ORC2: variants seen among roughly 807,000 people sequenced by gnomAD.
ORC2 encodes the protein origin recognition complex subunit 2, also known as origin recognition complex protein 2 homolog.
ORC2 carries 37 observed loss-of-function variants against 77.7 expected under a neutral mutation model. The ratio of observed to expected loss-of-function variants is 0.48; its 90% CI spans 0.37 to 0.63. ORC2 has a LOEUF of 0.63. Ranked by LOEUF, ORC2 falls within the 20% of genes least tolerant of loss-of-function variation. The pLI is 0.00. For missense variants in ORC2, 557 were observed against 661.9 expected, an observed-to-expected ratio of 0.84 and a Z score of 1.74; for synonymous variants, 201 against 229.5, an observed-to-expected ratio of 0.88 and a Z score of 1.12.
intron 10 of ORC2, among the ~76,000 whole-genome samples, chr2:200,933,525 G>T (rs1267457403): frequency 6.6e-6 from 1 of 151,846 alleles, no homozygotes; most frequent in Non-Finnish European, 1.5e-5. Flanking sequence ...GAGTAAGAGG[G>T]GAAAAATGCA....
At chr2:200,930,657 C>T (rs1399926455) in intron 11 of ORC2, among the ~76,000 whole-genome samples, 1 of 152,070 alleles carries the variant, frequency 6.6e-6, no homozygotes, top group Non-Finnish European at 1.5e-5. Flanking sequence ...GACAATGTAA[C>T]TGTGAGTGTG....
intron 8 of ORC2, among the ~76,000 whole-genome samples, chr2:200,937,563 T>C (rs1325477600): frequency 6.6e-6 from 1 of 152,218 alleles, no homozygotes; most frequent in Non-Finnish European, 1.5e-5. Flanking sequence ...TTTAATTTCC[T>C]AGAAGGCAGA....
At chr2:200,936,939 G>A (rs16836015) in intron 8 of ORC2, among the ~76,000 whole-genome samples, 4,443 of 151,162 alleles carry the variant, frequency 0.029, 107 homozygotes, top group Middle Eastern at 0.088. Flanking sequence ...CTGAACAACA[G>A]ATATACTGCA....
At chr2:200,949,790 T>C (rs999930821) in intron 4 of ORC2, 147 bp from the exon 5 acceptor site, 1 of 454,688 alleles carries the variant, frequency 2.2e-6, no homozygotes. Context: ...TGGAAATACA[T>C]AGTAAAGAAA....
chr2:200,957,933 G>T, intron 3 of ORC2, 97 bp downstream of exon 3: 1 of 747,658 alleles, frequency 1.3e-6, no homozygotes, highest in Non-Finnish European at 2.2e-6. Context: ...AATCCTTTGC[G>T]CTATATTTTC....
At chr2:200,934,971 C>T (rs2041009711) in intron 9 of ORC2, among the ~76,000 whole-genome samples, 1 of 152,202 alleles carries the variant, frequency 6.6e-6, no homozygotes, top group Non-Finnish European at 1.5e-5. Flanking sequence ...TCCCTAGCCA[C>T]ATCATTCATT....
rs1276820174 is a variant in ORC2, at chr2:200,913,357, C to G, written c.1585G>C (p.Asp529His). ...QCREAFLVNS[D>H]LTLRAQLTEF... Reference sequence around the variant, plus strand: ...GTTAACTGGGCCCGGAGTGTCAGATCACTATTGACGAGGAATGCCTCCCGA... The same window carrying G: ...GTTAACTGGGCCCGGAGTGTCAGATGACTATTGACGAGGAATGCCTCCCGA... Residue 529 changes from aspartate to histidine, a missense_variant, in exon 17 of 18, where the codon GAT (aspartate) becomes CAT (histidine). Physicochemically the swap from Asp to His is moderately conservative, Grantham distance 81. Coordinates refer to ENST00000234296, the MANE Select transcript of ORC2 (RefSeq NM_006190.5). 3.1e-6 allele frequency: 5 copies of G among 1,601,358 alleles called. No individual in the cohort carries two copies. The African/African-American group carries it at 4.0e-5, about 13-fold the overall frequency.
intron 15 of ORC2, 148 bp downstream of exon 15, chr2:200,920,074 C>T: frequency 2.0e-6 from 1 of 496,528 alleles, no homozygotes; most frequent in Non-Finnish European, 3.4e-6. Flanking sequence ...TGTCTGCCTA[C>T]TCCATAATCC....
At chr2:200,948,711 T>C (rs2041295889) in intron 5 of ORC2, among the ~76,000 whole-genome samples, 1 of 151,682 alleles carries the variant, frequency 6.6e-6, no homozygotes, top group Admixed American at 6.6e-5. Context: ...TACAGGCACG[T>C]GCCACCACGC....
intron 7 of ORC2, among the ~76,000 whole-genome samples, chr2:200,939,890 T>C (rs745583960): frequency 1.3e-5 from 2 of 152,218 alleles, no homozygotes; most frequent in Admixed American, 1.3e-4. Flanking sequence ...TTTTTCCTTT[T>C]ATAGTGATAG....
intron 11 of ORC2, among the ~76,000 whole-genome samples, chr2:200,928,528 A>T (rs893353959): frequency 6.0e-5 from 9 of 150,902 alleles, no homozygotes; most frequent in Non-Finnish European, 8.9e-5. Flanking sequence ...AAAAGCCCTA[A>T]AAAGGCCAGG....
At chr2:200,926,693 T>C (rs2040843256) in intron 12 of ORC2, 75 bp downstream of exon 12, 1 of 1,469,904 alleles carries the variant, frequency 6.8e-7, no homozygotes, top group Admixed American at 1.7e-5. Context: ...TCTTTAATAC[T>C]CCATCCTCAT....
intron 5 of ORC2, among the ~76,000 whole-genome samples, chr2:200,949,031 G>A (rs1205803456): frequency 6.6e-6 from 1 of 151,870 alleles, no homozygotes; most frequent in Non-Finnish European, 1.5e-5. Flanking sequence ...TTGAGGTTTG[G>A]AGTTTGAGAC....
intron 9 of ORC2, among the ~76,000 whole-genome samples, chr2:200,934,493 G>GGT (rs1553496782): frequency 5.7e-5 from 7 of 123,532 alleles, no homozygotes; most frequent in African/African-American, 8.7e-5. Flanking sequence ...TTTTTAAATT[G>GGT]TTTTTTTTTT....
At chr2:200,963,282 G>A in intron 1 of ORC2, 1 of 396,478 alleles carries the variant, frequency 2.5e-6, no homozygotes, top group Non-Finnish European at 4.4e-6. Context: ...CGCTCCACCA[G>A]TAAGGGTTCT....
intron 4 of ORC2, among the ~76,000 whole-genome samples, 189 bp from the exon 5 acceptor site, chr2:200,949,832 A>C (rs2041319349): frequency 6.6e-6 from 1 of 152,240 alleles, no homozygotes; most frequent in Admixed American, 6.5e-5. Flanking sequence ...ATAAGTTTTA[A>C]CATGCTATTC....
intron 13 of ORC2, among the ~76,000 whole-genome samples, chr2:200,924,178 T>A (rs899152656): frequency 1.3e-5 from 2 of 152,016 alleles, no homozygotes; most frequent in Non-Finnish European, 2.9e-5. Flanking sequence ...TGAGACTCCA[T>A]CTCTACAAAA....
chr2:200,933,998 T>C, intron 9 of ORC2, 24 bp from the exon 10 acceptor site: 7 of 1,200,380 alleles, frequency 5.8e-6, no homozygotes, highest in Non-Finnish European at 8.5e-6. Context: ...GAGTAGTCAG[T>C]CCTTAGTAGC....
At chr2:200,946,880 A>G (rs1341342145) in intron 5 of ORC2, among the ~76,000 whole-genome samples, 2 of 152,170 alleles carry the variant, frequency 1.3e-5, no homozygotes, top group Non-Finnish European at 2.9e-5. Context: ...TACAGGATTC[A>G]GTCATTTTTA....
Sources: allele counts gnomAD v4.1 joint callset (sites outside exome capture counted in the v4.1 genomes callset), GRCh38; gene constraint gnomAD v4.1.1; transcripts MANE v1.5; gene names NCBI Gene and HGNC (gene_info 2026-07-23, HGNC 2026-07-21).